NOMO1: variants seen among roughly 807,000 people sequenced by gnomAD.
NOMO1 encodes the protein NODAL modulator 1.
In NOMO1, 40 loss-of-function variants were observed where a neutral mutation model predicts 133.8. The ratio of observed to expected loss-of-function variants is 0.30; its 90% confidence interval spans 0.23 to 0.39. The LOEUF is 0.39. Among genes scored for constraint, NOMO1 ranks in the 10% least tolerant of loss-of-function variants. The probability of loss-of-function intolerance (pLI) is 1.00; values close to 1 mark genes in which losing one functional copy is unlikely to be tolerated. For synonymous variants in NOMO1, 236 were observed against 570.5 expected (o/e 0.41, Z 8.36); for missense variants, 462 against 1,419.9 (o/e 0.33, Z 10.84).
At chr16:14,859,413 A>G (rs1307877082) in intron 11 of NOMO1, among the ~76,000 whole-genome samples, 2 of 151,966 alleles carry the variant, frequency 1.3e-5, no homozygotes, top group Non-Finnish European at 2.9e-5. Context: ...ACTTTGTGCA[A>G]TTACTCTAGA....
At chr16:14,859,260 A>C (rs1185240587) in intron 11 of NOMO1, among the ~76,000 whole-genome samples, 2 of 151,882 alleles carry the variant, frequency 1.3e-5, no homozygotes, top group African/African-American at 4.8e-5. Flanking sequence ...CCCTGGCTTG[A>C]TCACTGAGGA....
chr16:14,838,601 G>A, intron 2 of NOMO1, 105 bp downstream of exon 2: 1 of 1,137,338 alleles, frequency 8.8e-7, no homozygotes, highest in Non-Finnish European at 1.3e-6. Context: ...CATCTGTTTT[G>A]TAAATTATTA....
Position 14,873,742 on chromosome 16 carries a change from G to A in NOMO1, c.2055-1294G>A, listed in dbSNP as rs566476092. Among the ~76,000 whole-genome samples, 10 of 151,818 alleles carry A rather than the reference G, an allele frequency of 6.6e-5. No individual in the cohort carries two copies. In the East Asian group the frequency reaches 9.7e-4, roughly 15 times the overall value. On this transcript the variant is annotated intron_variant, in intron 18 of 30. Coordinates refer to ENST00000287667, the MANE Select transcript of NOMO1 (RefSeq NM_014287.4). ...GGTGTTTGTGTTGCTTGCTTGTGCC[G>A]GAGGTTGTATGGAATGCATCTTCCA...
chr16:14,878,493 C>CAAAA (rs1184163940), intron 22 of NOMO1, among the ~76,000 whole-genome samples: 4 of 39,036 alleles, frequency 1.0e-4, no homozygotes, highest in Non-Finnish European at 1.5e-4. Flanking sequence ...GACCCTGTCT[C>CAAAA]AAAAAAAAAA....
intron 28 of NOMO1, among the ~76,000 whole-genome samples, chr16:14,887,262 T>A (rs1444137014): frequency 6.6e-6 from 1 of 151,990 alleles, no homozygotes; most frequent in African/African-American, 2.4e-5. Context: ...CAATGAAGAA[T>A]TTATCACAAA....
chr16:14,835,391 G>A (rs1251685768), intron 1 of NOMO1, among the ~76,000 whole-genome samples: 26 of 151,098 alleles, frequency 1.7e-4, no homozygotes, highest in Admixed American at 3.9e-4. Flanking sequence ...GGGACAGGAC[G>A]CGTTCAGGGT....
rs747445143 is a variant in NOMO1, at chr16:14,889,171, G to T, written c.3400G>T (p.Ala1134Ser). 6.2e-6 allele frequency: 10 copies of T among 1,611,290 alleles called. 1 individual carries two copies. Among genetic ancestry groups the T allele is most frequent in the East Asian group, 4.5e-5 (2 of 44,842 alleles). Residue 1134 changes from alanine to serine, a missense_variant, in exon 29 of 31, where the codon GCA becomes TCA. Ala to Ser is a moderately conservative substitution (Grantham distance 99). Coordinates refer to ENST00000287667, the MANE Select transcript of NOMO1 (RefSeq NM_014287.4). ...CATCTTGCCTCAAGTTTCTTTCACCGCAGTGGGCTACCATAAACACATCAC... is the reference window on the plus strand; with the variant it reads ...CATCTTGCCTCAAGTTTCTTTCACCTCAGTGGGCTACCATAAACACATCAC... ...DYILPQVSFTAVGYHKHITLI... is the reference protein window; with the variant it reads ...DYILPQVSFTSVGYHKHITLI...
At chr16:14,892,255 G>A (rs912748830) in intron 29 of NOMO1, among the ~76,000 whole-genome samples, 1 of 151,334 alleles carries the variant, frequency 6.6e-6, no homozygotes, top group African/African-American at 2.4e-5. Flanking sequence ...AAAAAAAAAA[G>A]AAAGTGCCAG....
intron 2 of NOMO1, among the ~76,000 whole-genome samples, chr16:14,839,445 TG>T (rs1033940939): frequency 1.3e-5 from 2 of 152,074 alleles, no homozygotes; most frequent in African/African-American, 4.8e-5. Flanking sequence ...TATGTATACA[TG>T]GAAATACACA....
At position 14,875,167 on chromosome 16, in the gene NOMO1, G is replaced by A; in HGVS notation, c.2186G>A (p.Gly729Asp). 2.5e-6 allele frequency: 4 copies of A among 1,613,828 alleles called. No homozygotes were observed. Among genetic ancestry groups the A allele is most frequent in the Non-Finnish European group, 3.4e-6 (4 of 1,179,868 alleles). ...AGGGAGAAAAACGGCAATGAGGAAGGCGAAGAAAGAATGACCAAGCCTCCC... is the reference window on the plus strand; with the variant it reads ...AGGGAGAAAAACGGCAATGAGGAAGACGAAGAAAGAATGACCAAGCCTCCC... ...QEREKNGNEE[G>D]EERMTKPPVQ... Residue 729 changes from glycine (G) to aspartate (D), a missense_variant, in exon 19 of 31, where the codon GGC (glycine) becomes GAC (aspartate). Transcript: ENST00000287667.
chr16:14,887,739 T>TC (rs1261058105), intron 28 of NOMO1, among the ~76,000 whole-genome samples: 1 of 152,144 alleles, frequency 6.6e-6, no homozygotes, highest in African/African-American at 2.4e-5. Context: ...TGCTAAGAAG[T>TC]CCACTTTTAA....
intron 9 of NOMO1, among the ~76,000 whole-genome samples, chr16:14,855,576 T>C (rs904620947): frequency 2.0e-5 from 3 of 151,876 alleles, no homozygotes; most frequent in African/African-American, 7.3e-5. Flanking sequence ...TAAGATTCAG[T>C]GGAGTGTTTG....
intron 15 of NOMO1, among the ~76,000 whole-genome samples, chr16:14,867,716 A>G (rs1267632164): frequency 6.7e-6 from 1 of 148,586 alleles, no homozygotes; most frequent in Non-Finnish European, 1.5e-5. Context: ...AACTAGAAGA[A>G]TTGGAACTGG....
rs1035371226 is a variant in NOMO1, at chr16:14,844,409, C to T, written c.302-265C>T. On this transcript the variant is annotated intron_variant, in intron 3 of 30. Transcript: ENST00000287667. ...TCTGAGATATAACTTAGCTGAAAGG[C>T]GTTGTAAAATTATTTTATACTCTAA... 1.8e-3 allele frequency among the ~76,000 whole-genome samples: 278 copies of T among 150,334 alleles called. 5 individuals are homozygous for T. Among genetic ancestry groups the T allele is most frequent in the Middle Eastern group, 0.01 (3 of 294 alleles).
intron 29 of NOMO1, among the ~76,000 whole-genome samples, chr16:14,894,280 T>G (rs1964447983): frequency 6.6e-6 from 1 of 152,124 alleles, no homozygotes; most frequent in Non-Finnish European, 1.5e-5. Context: ...ATGGGGCAAT[T>G]GGCCAAATGC....
rs1964481988 is a variant in NOMO1, at chr16:14,895,555, A to G, written c.3579A>G (p.Gly1193=). The G allele has an allele frequency of 1.2e-6, 2 of 1,611,888 alleles. No homozygotes were observed. Among genetic ancestry groups the G allele is most frequent in the Admixed American group, 1.7e-5 (1 of 60,002 alleles). Residue 1193 remains glycine, a synonymous_variant, in exon 31 of 31, where the codon GGA becomes GGG. Transcript: ENST00000287667. ...TGCAGTTGACAAGCCGGCTACAGGG[A>G]GTCCGCGCGCTCGGCCAGGCAGCCT... ...LLLQLTSRLQ[G]VRALGQAASD... is the part of the protein sequence containing the mutation.
intron 27 of NOMO1, among the ~76,000 whole-genome samples, chr16:14,885,452 T>G (rs1964309559): frequency 6.6e-6 from 1 of 152,102 alleles, no homozygotes; most frequent in South Asian, 2.1e-4. Context: ...AAGAAATGTT[T>G]ATAAAATACC....
chr16:14,874,030 ACC>A, intron 18 of NOMO1, among the ~76,000 whole-genome samples: 1 of 40,242 alleles, frequency 2.5e-5, no homozygotes, highest in South Asian at 1.0e-3. Flanking sequence ...CCTTGGTCTG[ACC>A]CCCCTCTGGG....
chr16:14,862,291 C>T (rs1188251902), intron 11 of NOMO1: 1 of 152,254 alleles, frequency 6.6e-6, no homozygotes, highest in African/African-American at 2.4e-5. Flanking sequence ...AAGACCAGCA[C>T]TCCAAGGATG....
Sources: gnomAD v4.1 joint callset for allele counts (sites outside exome capture counted in the v4.1 genomes callset) on GRCh38, gnomAD v4.1.1 for gene constraint, MANE v1.5 for transcripts, NCBI Gene and HGNC (gene_info 2026-07-23, HGNC 2026-07-21) for gene names.